The following LINGO2 variants were observed in gnomAD, a reference collection of about 807,000 sequenced individuals.
LINGO2 encodes the protein leucine rich repeat and Ig domain containing 2.
LINGO2 carries 14 observed loss-of-function variants against 30.6 expected under a neutral mutation model. That is an observed-to-expected ratio of 0.46 (90% confidence interval 0.30 to 0.72). The LOEUF is 0.72. Ranked by LOEUF, LINGO2 falls within the 30% of genes least tolerant of loss-of-function variation. The pLI, the probability that LINGO2 is intolerant of heterozygous loss-of-function variation, is 0.07. For missense variants in LINGO2, 729 were observed against 751.7 expected, an observed-to-expected ratio of 0.97 and a Z score of 0.35; for synonymous variants, 317 against 288.5, an observed-to-expected ratio of 1.10 and a Z score of -1.00.
the LINGO2 span, among the ~76,000 whole-genome samples, chr9:28,704,994 G>A: frequency 4.5e-4 from 68 of 152,154 alleles, 1 homozygote; most frequent in African/African-American, 1.6e-3. Flanking sequence ...TCAGATCACT[G>A]CAATCTCTGC....
At chr9:28,430,117 T>C (rs183847436) in intron 2 of LINGO2, among the ~76,000 whole-genome samples, 4 of 100,168 alleles carry the variant, frequency 4.0e-5, no homozygotes, top group South Asian at 7.6e-4. Context: ...CGCGTGTGTG[T>C]GTGTGTGTGT....
chr9:29,178,425 G>T, the LINGO2 span, among the ~76,000 whole-genome samples: 3 of 151,796 alleles, frequency 2.0e-5, no homozygotes, highest in Admixed American at 6.6e-5. Flanking sequence ...CTATCTATTT[G>T]CTCATTCAAT....
chr9:28,516,300 A>G (rs1468404387), intron 1 of LINGO2, among the ~76,000 whole-genome samples: 1 of 152,168 alleles, frequency 6.6e-6, no homozygotes, highest in Admixed American at 6.5e-5. Flanking sequence ...TATAGGTAGG[A>G]TCATTTCAAA....
At chr9:28,979,194 C>T in the LINGO2 span, among the ~76,000 whole-genome samples, 1 of 151,798 alleles carries the variant, frequency 6.6e-6, no homozygotes, top group African/African-American at 2.4e-5. Flanking sequence ...TCTTTAGTTC[C>T]TTCATTTTTA....
At chr9:28,434,140 G>C (rs10968597) in intron 2 of LINGO2, among the ~76,000 whole-genome samples, 19,231 of 151,382 alleles carry the variant, frequency 0.13, 1,415 homozygotes, top group East Asian at 0.23. Context: ...ACAAGTGGGA[G>C]CTAAGCTATG....
intron 1 of LINGO2, among the ~76,000 whole-genome samples, chr9:28,494,335 T>A (rs908421589): frequency 1.3e-5 from 2 of 152,112 alleles, no homozygotes; most frequent in Non-Finnish European, 2.9e-5. Context: ...GTCATTTACA[T>A]TAGGCGTATC....
chr9:28,458,837 T>C (rs1163568262), intron 2 of LINGO2, among the ~76,000 whole-genome samples: 2 of 152,144 alleles, frequency 1.3e-5, no homozygotes, highest in African/African-American at 4.8e-5. Context: ...CCTTGAACTT[T>C]GCTCAAAAAA....
chr9:28,984,787 T>C, the LINGO2 span, among the ~76,000 whole-genome samples: 2 of 152,116 alleles, frequency 1.3e-5, no homozygotes, highest in Non-Finnish European at 2.9e-5. Context: ...AATGAAGTTA[T>C]CATTCATGAA....
chr9:28,952,407 G>T, the LINGO2 span, among the ~76,000 whole-genome samples: 1 of 151,974 alleles, frequency 6.6e-6, no homozygotes, highest in Non-Finnish European at 1.5e-5. Flanking sequence ...TTTCAAAATG[G>T]CTGCAATAAT....
At chr9:28,009,150 T>A (rs1822420750) in intron 5 of LINGO2, among the ~76,000 whole-genome samples, 1 of 151,812 alleles carries the variant, frequency 6.6e-6, no homozygotes, top group East Asian at 1.9e-4. Flanking sequence ...AGTTTTTTTT[T>A]TTTCCAACAT....
At chr9:28,483,732 T>C (rs1304466550) in intron 1 of LINGO2, among the ~76,000 whole-genome samples, 1 of 152,056 alleles carries the variant, frequency 6.6e-6, no homozygotes, top group East Asian at 1.9e-4. Flanking sequence ...ATTTACTTTA[T>C]TCTAAAACTT....
At chr9:27,998,521 G>C (rs1490439219) in intron 5 of LINGO2, among the ~76,000 whole-genome samples, 2 of 152,198 alleles carry the variant, frequency 1.3e-5, no homozygotes, top group African/African-American at 4.8e-5. Flanking sequence ...GCTCATGCCT[G>C]TAATCCCACC....
chr9:28,023,909 A>C (rs1272558896), intron 4 of LINGO2, among the ~76,000 whole-genome samples: 1 of 152,026 alleles, frequency 6.6e-6, no homozygotes, highest in Non-Finnish European at 1.5e-5. Flanking sequence ...CAAATCTACC[A>C]CTGAAGTTTT....
chr9:28,325,012 C>A (rs1192395253), intron 3 of LINGO2, among the ~76,000 whole-genome samples: 2 of 151,752 alleles, frequency 1.3e-5, no homozygotes, highest in East Asian at 3.9e-4. Flanking sequence ...TCTCTCTTAA[C>A]TTCTCTCTTC....
At chr9:28,886,196 A>G in the LINGO2 span, among the ~76,000 whole-genome samples, 1 of 152,188 alleles carries the variant, frequency 6.6e-6, no homozygotes, top group Non-Finnish European at 1.5e-5. Flanking sequence ...GAAATGAAAT[A>G]TACAGTGAGA....
At chr9:28,997,771 C>T in the LINGO2 span, among the ~76,000 whole-genome samples, 5 of 151,646 alleles carry the variant, frequency 3.3e-5, no homozygotes, top group Admixed American at 2.6e-4. Context: ...TGCAGTGAGC[C>T]GAGATCGTGC....
chr9:28,023,688 T>TA (rs1563920903), intron 4 of LINGO2, among the ~76,000 whole-genome samples: 1 of 152,222 alleles, frequency 6.6e-6, no homozygotes, highest in Non-Finnish European at 1.5e-5. Context: ...GGATTTGTCA[T>TA]TTGTTAAGAA....
At position 28,012,965 on chromosome 9, in the gene LINGO2, G is replaced by A. The variant is rs75716683; in HGVS notation, c.-86-560C>T. 1.9e-4 allele frequency among the ~76,000 whole-genome samples: 29 copies of A among 152,024 alleles called. No individual in the cohort carries two copies. The East Asian group carries it at 4.9e-3, about 25-fold the overall frequency. ...TGAGCTCCATCCTGATTCTGATTGC[G>A]GAATTACATAAAGAATGCTGCGTGA... is the stretch of plus-strand genomic sequence containing the variant. On this transcript the variant is annotated intron_variant, in intron 4 of 5. Coordinates refer to ENST00000379992, the Ensembl canonical transcript of LINGO2.
At chr9:28,931,819 CA>C in the LINGO2 span, among the ~76,000 whole-genome samples, 1 of 151,912 alleles carries the variant, frequency 6.6e-6, no homozygotes, top group African/African-American at 2.4e-5. Context: ...CTTCAAAAGG[CA>C]GTGGCGGGGC....
Sources: allele counts gnomAD v4.1 joint callset (sites outside exome capture counted in the v4.1 genomes callset), GRCh38; gene constraint gnomAD v4.1.1; transcripts MANE v1.5; gene names NCBI Gene and HGNC (gene_info 2026-07-23, HGNC 2026-07-21).